Variants in SOS1 observed in about 807,000 individuals in gnomAD.
SOS1 encodes the protein son of sevenless homolog 1.
A neutral mutation model predicts 157.6 loss-of-function variants in SOS1; 25 were observed. The observed-to-expected ratio is 0.16, with a 90% CI of 0.12 to 0.22. SOS1 has a LOEUF of 0.22. Among genes scored for constraint, SOS1 ranks in the 10% least tolerant of loss-of-function variants. SOS1 has a pLI of 1.00. For synonymous variants in SOS1, 528 were observed against 534.0 expected (o/e 0.99, Z 0.16); for missense variants, 1,237 against 1,599.1 (o/e 0.77, Z 3.86).
intron 1 of SOS1, among the ~76,000 whole-genome samples, chr2:39,094,095 G>C (rs1043226926): frequency 1.3e-5 from 2 of 151,844 alleles, no homozygotes; most frequent in Non-Finnish European, 2.9e-5. Context: ...GTACTATTAA[G>C]AGATTTGCAA....
chr2:39,116,489 A>G (rs1449774986), intron 1 of SOS1, among the ~76,000 whole-genome samples: 1 of 152,128 alleles, frequency 6.6e-6, no homozygotes, highest in Non-Finnish European at 1.5e-5. Context: ...TTTTCTCCTC[A>G]CTTTACGTCT....
At position 39,045,401 on chromosome 2, in the gene SOS1, AT is replaced by A. The variant is rs1223469108; in HGVS notation, c.864+5742del. Among the ~76,000 whole-genome samples, 9 of 151,408 alleles carry A rather than the reference AT, an allele frequency of 5.9e-5. No homozygotes were observed. The East Asian group carries it at 1.6e-3, about 26-fold the overall frequency. On this transcript the variant is annotated intron_variant, in intron 6 of 22. Coordinates refer to ENST00000402219, the MANE Select transcript of SOS1 (RefSeq NM_005633.4). ...CCTGTTAAAATTTCCTATGATAGCA[AT>A]TTTTTTCATTTCTTATAATTCTGTC...
chr2:39,098,685 C>T (rs1672859184), intron 1 of SOS1, among the ~76,000 whole-genome samples: 1 of 152,112 alleles, frequency 6.6e-6, no homozygotes, highest in African/African-American at 2.4e-5. Context: ...GTTAGGAGAT[C>T]AAGGCCATCC....
Position 39,038,732 on chromosome 2 carries a change from CA to C in SOS1, c.865-3233del, listed in dbSNP as rs534107281. ...CTGGCAACAAAATGAGACTCCGTCTCAAAAAAAAAAAAAAAAGTCGTTTCTT... is the reference window on the plus strand; with the variant it reads ...CTGGCAACAAAATGAGACTCCGTCTCAAAAAAAAAAAAAAAGTCGTTTCTT... On this transcript the variant is annotated intron_variant, in intron 6 of 22. Transcript: ENST00000402219. Among the ~76,000 whole-genome samples, 46 of 18,214 alleles carry C rather than the reference CA, an allele frequency of 2.5e-3. 9 individuals carry two copies. Among genetic ancestry groups the C allele is most frequent in the East Asian group, 6.7e-3 (5 of 742 alleles). The allele number at this position is 18,214 out of a possible 152,430, so 11.9% of individuals were successfully genotyped here.
upstream of SOS1, among the ~76,000 whole-genome samples, chr2:39,121,888 G>T (rs776274715): frequency 2.0e-5 from 3 of 152,166 alleles, no homozygotes; most frequent in Admixed American, 6.5e-5. Context: ...GACACCTTAT[G>T]ATTTATCATT....
intron 1 of SOS1, among the ~76,000 whole-genome samples, chr2:39,068,006 C>A (rs1394646574): frequency 1.3e-5 from 2 of 152,148 alleles, no homozygotes; most frequent in African/African-American, 2.4e-5. Flanking sequence ...GTAATCCCAG[C>A]TACCCAGGAG....
chr2:39,089,156 T>C (rs1208521008), intron 1 of SOS1, among the ~76,000 whole-genome samples: 1 of 152,182 alleles, frequency 6.6e-6, no homozygotes, highest in Admixed American at 6.5e-5. Flanking sequence ...CATAAAACAC[T>C]GATTCAATAT....
chr2:39,045,273 A>AGAGAGTGTGTGTGTGTGTGT (rs138343013), intron 6 of SOS1, among the ~76,000 whole-genome samples: 3 of 108,044 alleles, frequency 2.8e-5, no homozygotes, highest in Non-Finnish European at 5.8e-5. Context: ...AGAGAGAGAG[A>AGAGAGTGTGTGTGTGTGTGT]GTGTGTGTGT....
chr2:39,044,862 GCGCACA>G (rs1670702658), intron 6 of SOS1, among the ~76,000 whole-genome samples: 1 of 33,084 alleles, frequency 3.0e-5, no homozygotes, highest in African/African-American at 6.7e-5. Flanking sequence ...GCGCGCGCGC[GCGCACA>G]CACACACACA....
At position 39,115,171 on chromosome 2, in the gene SOS1, A is replaced by G. The variant is rs1341482235; in HGVS notation, c.87+5165T>C. The stretch of plus-strand genomic sequence containing the variant: ...AAACTGCACATATTTAAAATATACA[A>G]TCTGAAAAATTTCAGGATATGTACA... On this transcript the variant is annotated intron_variant, in intron 1 of 22. Transcript: ENST00000402219. 2.0e-5 allele frequency among the ~76,000 whole-genome samples: 3 copies of G among 152,258 alleles called. No individual in the cohort carries two copies. The East Asian group carries it at 5.8e-4, about 29-fold the overall frequency.
At chr2:39,040,169 A>G (rs575595869) in intron 6 of SOS1, among the ~76,000 whole-genome samples, 6 of 148,958 alleles carry the variant, frequency 4.0e-5, no homozygotes, top group South Asian at 2.1e-4. Flanking sequence ...CCGCCACTAC[A>G]CCCGGCTAAT....
intron 1 of SOS1, among the ~76,000 whole-genome samples, chr2:39,096,843 G>C (rs1037787105): frequency 1.3e-5 from 2 of 150,940 alleles, no homozygotes; most frequent in African/African-American, 4.9e-5. Context: ...CCGAGATCGC[G>C]CCACTGCACT....
chr2:39,048,278 C>G (rs147519016), intron 6 of SOS1, among the ~76,000 whole-genome samples: 1 of 152,310 alleles, frequency 6.6e-6, no homozygotes, highest in Non-Finnish European at 1.5e-5. Context: ...AAATCCTATT[C>G]TACCTTAGTA....
chr2:38,992,495 T>C (rs780385864), intron 20 of SOS1: 3 of 152,222 alleles, frequency 2.0e-5, no homozygotes, highest in Non-Finnish European at 4.4e-5. Context: ...AATGCTATTA[T>C]AACTGTTTAT....
At chr2:39,037,056 A>T (rs765690286) in intron 6 of SOS1, among the ~76,000 whole-genome samples, 42 of 152,354 alleles carry the variant, frequency 2.8e-4, no homozygotes, top group Non-Finnish European at 5.0e-4. Flanking sequence ...TGCATTTTGC[A>T]ATATGGCATG....
chr2:39,012,911 A>G (rs1669514924), intron 13 of SOS1, among the ~76,000 whole-genome samples: 1 of 152,128 alleles, frequency 6.6e-6, no homozygotes, highest in South Asian at 2.1e-4. Context: ...AAGTTTGTCT[A>G]AGATATCCTT....
chr2:38,990,981 T>G (rs1668714796), intron 20 of SOS1, among the ~76,000 whole-genome samples: 1 of 152,174 alleles, frequency 6.6e-6, no homozygotes, highest in Non-Finnish European at 1.5e-5. Flanking sequence ...ATTAATTTAT[T>G]AAGCATAATC....
chr2:39,019,853 G>T (rs1324583080), intron 10 of SOS1, among the ~76,000 whole-genome samples: 1 of 151,396 alleles, frequency 6.6e-6, no homozygotes, highest in African/African-American at 2.4e-5. Flanking sequence ...AAAAATTACT[G>T]ACAATATCTT....
At chr2:39,078,674 T>C (rs1052532241) in intron 1 of SOS1, among the ~76,000 whole-genome samples, 3 of 152,200 alleles carry the variant, frequency 2.0e-5, no homozygotes, top group Admixed American at 2.0e-4. Context: ...GAGAATCTAA[T>C]GCCTGGTGAT....
Sources: gnomAD v4.1 joint callset for allele counts (sites outside exome capture counted in the v4.1 genomes callset) on GRCh38, gnomAD v4.1.1 for gene constraint, MANE v1.5 for transcripts, NCBI Gene and HGNC (gene_info 2026-07-23, HGNC 2026-07-21) for gene names.